RALGAPB: variants seen among roughly 807,000 people sequenced by gnomAD.
RALGAPB encodes the protein Ral GTPase activating protein non-catalytic subunit beta, also known as ral GTPase-activating protein subunit beta.
In RALGAPB, 25 loss-of-function variants were observed where a neutral mutation model predicts 161.1. The ratio of observed to expected loss-of-function variants is 0.16; its 90% CI spans 0.11 to 0.22. The LOEUF is 0.22. Among genes scored for constraint, RALGAPB ranks in the 10% least tolerant of loss-of-function variants. The pLI is 1.00. For missense variants in RALGAPB, 1,391 were observed against 1,815.2 expected, an observed-to-expected ratio of 0.77 and a Z score of 4.25; for synonymous variants, 629 against 626.1, an observed-to-expected ratio of 1.00 and a Z score of -0.07.
intron 1 of RALGAPB, among the ~76,000 whole-genome samples, chr20:38,473,679 CG>C (rs1568886786): frequency 1.3e-5 from 2 of 152,118 alleles, no homozygotes; most frequent in Non-Finnish European, 2.9e-5. Context: ...TAATTTGAAC[CG>C]GAGCATCCGA....
In RALGAPB at chr20:38,517,666, C is replaced by T. The variant is rs939110060; in HGVS notation, c.1200+12C>T. 5 of 1,612,722 alleles carry T rather than the reference C, an allele frequency of 3.1e-6. No homozygotes were observed. In the African/African-American group the frequency reaches 5.3e-5, roughly 17 times the overall value. ...TGAAGACAAGCACAGTAAGAGTTTA[C>T]ATCACCATTGTTATGCTATATAAGG... On this transcript the variant is annotated intron_variant, in intron 8 of 29. Coordinates refer to ENST00000262879, the MANE Select transcript of RALGAPB (RefSeq NM_020336.4).
intron 5 of RALGAPB, among the ~76,000 whole-genome samples, chr20:38,508,090 A>G (rs1290977280): frequency 6.6e-6 from 1 of 151,404 alleles, no homozygotes; most frequent in Non-Finnish European, 1.5e-5. Flanking sequence ...ATCTTTTAAA[A>G]AATTTACATA....
rs1366763030 is a variant in RALGAPB, at chr20:38,521,705, G to A, written c.1619+7G>A. On this transcript the variant is annotated splice_region_variant and intron_variant, in intron 10 of 29. Transcript: ENST00000262879. Reference sequence around the variant, plus strand: ...TGCCAGCTTATTTATCCAGGTCTTGGAATTTTTGTTTGTTTTTTCATTTAT... The same window carrying A: ...TGCCAGCTTATTTATCCAGGTCTTGAAATTTTTGTTTGTTTTTTCATTTAT... 2 of 1,611,972 alleles carry A rather than the reference G, an allele frequency of 1.2e-6. No individual in the cohort carries two copies. The highest frequency in any genetic ancestry group is 1.7e-6 in the Non-Finnish European group (2 of 1,179,372).
At chr20:38,495,833 G>T (rs1397228477) in intron 3 of RALGAPB, among the ~76,000 whole-genome samples, 3 of 152,110 alleles carry the variant, frequency 2.0e-5, no homozygotes, top group Non-Finnish European at 4.4e-5. Flanking sequence ...GAGGAGGAAG[G>T]AGCCTCAGTA....
At chr20:38,488,292 A>G in intron 1 of RALGAPB, 111 bp from the exon 2 acceptor site, 1 of 654,986 alleles carries the variant, frequency 1.5e-6, no homozygotes, top group Non-Finnish European at 2.5e-6. Flanking sequence ...TGATAGAGGC[A>G]AGATGTTTGC....
intron 3 of RALGAPB, among the ~76,000 whole-genome samples, chr20:38,494,196 A>T (rs775114594): frequency 4.6e-5 from 7 of 151,964 alleles, no homozygotes; most frequent in African/African-American, 1.7e-4. Flanking sequence ...CATCTAACCA[A>T]CTCAAAGGCA....
At chr20:38,497,632 CA>C (rs2085466267) in intron 4 of RALGAPB, 116 bp downstream of exon 4, 1 of 1,100,808 alleles carries the variant, frequency 9.1e-7, no homozygotes, top group Non-Finnish European at 1.3e-6. Flanking sequence ...GGTTTACAAA[CA>C]AAGGTTAACA....
chr20:38,524,430 T>G (rs761055843), intron 10 of RALGAPB, among the ~76,000 whole-genome samples: 1 of 152,206 alleles, frequency 6.6e-6, no homozygotes, highest in Non-Finnish European at 1.5e-5. Flanking sequence ...TTGCCTTATT[T>G]GCAGGCCCCT....
chr20:38,534,107 C>G (rs1398485641), intron 15 of RALGAPB, among the ~76,000 whole-genome samples: 5 of 148,720 alleles, frequency 3.4e-5, no homozygotes, highest in African/African-American at 1.2e-4. Context: ...CCACTGTACT[C>G]CAGCCTGGGC....
At chr20:38,486,604 A>G (rs1836009465) in intron 1 of RALGAPB, among the ~76,000 whole-genome samples, 1 of 152,172 alleles carries the variant, frequency 6.6e-6, no homozygotes, top group South Asian at 2.1e-4. Flanking sequence ...TTAAGTGTAC[A>G]GTAGAGTTTG....
Position 38,484,029 on chromosome 20 carries a change from A to C in RALGAPB, c.-30-4374A>C, listed in dbSNP as rs552298017. Among the ~76,000 whole-genome samples the C allele has an allele frequency of 3.9e-5, 6 of 152,256 alleles. 1 individual carries two copies. The highest frequency in any genetic ancestry group is 1.3e-4 in the Admixed American group (2 of 15,300). Reference sequence around the variant, plus strand: ...TATGGTGAATACTAAAAATACAAAAATTAGCCAGGTGTGGTGGTGGGCGCC... The same window carrying C: ...TATGGTGAATACTAAAAATACAAAACTTAGCCAGGTGTGGTGGTGGGCGCC... On this transcript the variant is annotated intron_variant, in intron 1 of 29. Coordinates refer to ENST00000262879, the MANE Select transcript of RALGAPB (RefSeq NM_020336.4).
intron 5 of RALGAPB, among the ~76,000 whole-genome samples, chr20:38,505,814 C>A (rs527534604): frequency 1.3e-5 from 2 of 152,224 alleles, no homozygotes; most frequent in South Asian, 4.1e-4. Context: ...CCTGCAAGAT[C>A]TCGAAGTTAT....
intron 4 of RALGAPB, among the ~76,000 whole-genome samples, chr20:38,499,014 T>C (rs1437527190): frequency 1.3e-5 from 2 of 152,222 alleles, no homozygotes; most frequent in East Asian, 3.8e-4. Flanking sequence ...TCAAAATGGG[T>C]ATAATTAGCA....
intron 1 of RALGAPB, 48 bp downstream of exon 1, chr20:38,473,117 C>T (rs948715395): frequency 2.4e-5 from 8 of 338,506 alleles, no homozygotes; most frequent in South Asian, 1.5e-4. Flanking sequence ...CCCTCTCCTT[C>T]CCTCTCTTCC....
chr20:38,559,760 G>C (rs959181119), intron 23 of RALGAPB, among the ~76,000 whole-genome samples: 1 of 152,198 alleles, frequency 6.6e-6, no homozygotes, highest in African/African-American at 2.4e-5. Flanking sequence ...GAGACTAAGA[G>C]AAGGACGAAG....
chr20:38,489,047 A>C (rs546059704), intron 2 of RALGAPB, among the ~76,000 whole-genome samples: 1 of 152,146 alleles, frequency 6.6e-6, no homozygotes, highest in Non-Finnish European at 1.5e-5. Flanking sequence ...TTTTCAGGCT[A>C]TGTGTATGCT....
chr20:38,517,750 T>C (rs2086174087), intron 8 of RALGAPB, 34 bp from the exon 9 acceptor site: 3 of 1,603,938 alleles, frequency 1.9e-6, no homozygotes, highest in East Asian at 2.2e-5. Context: ...AGACTTTTCA[T>C]TGGTATGGGT....
At chr20:38,524,082 A>G (rs559782583) in intron 10 of RALGAPB, among the ~76,000 whole-genome samples, 6 of 152,204 alleles carry the variant, frequency 3.9e-5, no homozygotes, top group Admixed American at 6.5e-5. Flanking sequence ...CTCACAATAG[A>G]AGAGTATAAC....
At chr20:38,574,488 G>A (rs1568991425) in intron 29 of RALGAPB, among the ~76,000 whole-genome samples, 190 bp downstream of exon 29, 1 of 152,094 alleles carries the variant, frequency 6.6e-6, no homozygotes, top group Non-Finnish European at 1.5e-5. Flanking sequence ...GTAAGTGTAA[G>A]TAAAACCTCA....
Sources: allele counts gnomAD v4.1 joint callset (sites outside exome capture counted in the v4.1 genomes callset), GRCh38; gene constraint gnomAD v4.1.1; transcripts MANE v1.5; gene names NCBI Gene and HGNC (gene_info 2026-07-23, HGNC 2026-07-21).